Variants in KPNA3 observed in about 807,000 individuals in gnomAD.
KPNA3 encodes the protein karyopherin subunit alpha 3.
Under a neutral mutation model 73.8 loss-of-function variants are expected in KPNA3, and 13 were observed. That is an observed-to-expected ratio of 0.18 (90% confidence interval 0.11 to 0.28). KPNA3 has a LOEUF of 0.28. Ranked by LOEUF, KPNA3 falls within the 10% of genes least tolerant of loss-of-function variation. KPNA3 has a pLI of 1.00. For synonymous variants in KPNA3, 186 were observed against 206.9 expected (o/e 0.90, Z 0.87); for missense variants, 360 against 618.1 (o/e 0.58, Z 4.43).
At chr13:49,781,031 G>T (rs2137603677) in intron 1 of KPNA3, among the ~76,000 whole-genome samples, 1 of 152,154 alleles carries the variant, frequency 6.6e-6, no homozygotes, top group Non-Finnish European at 1.5e-5. Context: ...CAGAAATACT[G>T]TTACTTTAGT....
intron 1 of KPNA3, among the ~76,000 whole-genome samples, chr13:49,774,281 G>C (rs563588874): frequency 2.7e-4 from 41 of 152,150 alleles, no homozygotes; most frequent in Admixed American, 5.2e-4. Context: ...TCTTTAAAAA[G>C]AGAAAAAGAT....
rs1253892399 is a variant in KPNA3, at chr13:49,700,044, TATAA to T, written c.*1752_*1755del. 2.6e-5 allele frequency: 4 copies of T among 152,632 alleles called. No homozygotes were observed. Among genetic ancestry groups the T allele is most frequent in the Admixed American group, 2.0e-4 (3 of 15,276 alleles). 9.5% of individuals were successfully genotyped at this position (152,632 alleles called of 1,614,324 possible). ...AATTGATTCTAAAATTTATAAAACC[TATAA>T]ATAATCAGAGGCCAAACCACTATAT... On this transcript the variant is annotated 3_prime_UTR_variant, in exon 17 of 17. Transcript: ENST00000261667.
intron 15 of KPNA3, among the ~76,000 whole-genome samples, chr13:49,704,644 A>C (rs1010266998): frequency 1.3e-5 from 2 of 152,128 alleles, no homozygotes; most frequent in Non-Finnish European, 2.9e-5. Flanking sequence ...TAAGGTTTAA[A>C]CATGTTAGTA....
intron 1 of KPNA3, among the ~76,000 whole-genome samples, chr13:49,765,747 T>C (rs1954803098): frequency 6.6e-6 from 1 of 152,212 alleles, no homozygotes; most frequent in Non-Finnish European, 1.5e-5. Flanking sequence ...TTTGTCTCTA[T>C]AGATTTGAAA....
At position 49,732,087 on chromosome 13, in the gene KPNA3, A is replaced by C. The variant is rs996576350; in HGVS notation, c.383+284T>G. On this transcript the variant is annotated intron_variant, in intron 6 of 16. Transcript: ENST00000261667. The stretch of plus-strand genomic sequence containing the variant: ...ATTTGGGTTGTTTTAAAATATTAGT[A>C]ATAAAAAATCCTAATAAAGACTATA... 2.6e-5 allele frequency among the ~76,000 whole-genome samples: 4 copies of C among 152,306 alleles called. No homozygotes were observed. In the South Asian group the frequency reaches 8.3e-4, roughly 32 times the overall value.
At chr13:49,775,910 T>C (rs1317529980) in intron 1 of KPNA3, among the ~76,000 whole-genome samples, 1 of 152,196 alleles carries the variant, frequency 6.6e-6, no homozygotes, top group Non-Finnish European at 1.5e-5. Flanking sequence ...TTTCTCCCTC[T>C]GTATTCCGAA....
In KPNA3 at chr13:49,722,340, T is replaced by C. The variant is rs531359036; in HGVS notation, c.556+137A>G. ...TGTATATCCTTTTCAAAGAGCATCA[T>C]CTTAAGTCAGTACTTATGAGGCAAG... On this transcript the variant is annotated intron_variant, in intron 8 of 16. Transcript: ENST00000261667. The C allele has an allele frequency of 1.3e-5, 9 of 678,208 alleles. No homozygotes were observed. In the East Asian group the frequency reaches 1.4e-4, roughly 10 times the overall value. The allele number at this position is 678,208 out of a possible 1,614,324, so 42.0% of individuals were successfully genotyped here. A position where few individuals can be genotyped will look rare whatever the true frequency, so the allele number is the denominator to read the frequency against.
intron 1 of KPNA3, among the ~76,000 whole-genome samples, chr13:49,758,169 A>G (rs1954727547): frequency 6.6e-6 from 1 of 152,204 alleles, no homozygotes; most frequent in Non-Finnish European, 1.5e-5. Flanking sequence ...CCAAAAGTAT[A>G]CTAAAACAAA....
chr13:49,713,674 C>CAAAAA (rs202174090), intron 10 of KPNA3, among the ~76,000 whole-genome samples: 1 of 142,006 alleles, frequency 7.0e-6, no homozygotes, highest in East Asian at 2.0e-4. Context: ...CACACACACA[C>CAAAAA]AAAACAGAAA....
intron 11 of KPNA3, among the ~76,000 whole-genome samples, chr13:49,710,025 G>A (rs1258864243): frequency 7.2e-5 from 11 of 152,198 alleles, no homozygotes; most frequent in Non-Finnish European, 1.3e-4. Context: ...ATTTTGGGAG[G>A]CCGAGGCGGG....
At chr13:49,792,194 C>T (rs975766251) in intron 1 of KPNA3, among the ~76,000 whole-genome samples, 3 of 151,918 alleles carry the variant, frequency 2.0e-5, no homozygotes, top group Admixed American at 6.6e-5. Flanking sequence ...GCCGCGCCCG[C>T]GTGACGGGGC....
rs559618978 is a variant in KPNA3 at position 49,742,023 on chromosome 13, C to T, written c.114+4926G>A. Among the ~76,000 whole-genome samples, 3 of 152,238 alleles carry T rather than the reference C, an allele frequency of 2.0e-5. No homozygotes were observed. The South Asian group carries it at 6.2e-4, about 32-fold the overall frequency. ...TTTTCTTCCAGTAGTTTTACAGTTT[C>T]ACATCTTATGTTTGCATTTTAATCT... On this transcript the variant is annotated intron_variant, in intron 2 of 16. Coordinates refer to ENST00000261667, the MANE Select transcript of KPNA3 (RefSeq NM_002267.4).
chr13:49,711,063 T>G, intron 10 of KPNA3, 41 bp from the exon 11 acceptor site: 1 of 1,569,494 alleles, frequency 6.4e-7, no homozygotes, highest in Non-Finnish European at 8.6e-7. Flanking sequence ...ACATATTTGT[T>G]TGAATGCTTT....
intron 15 of KPNA3, among the ~76,000 whole-genome samples, chr13:49,704,427 TAAATAAAA>T (rs1566330762): frequency 1.2e-5 from 1 of 84,664 alleles, no homozygotes; most frequent in Non-Finnish European, 2.4e-5. Context: ...AAAAAATAAA[TAAATAAAA>T]AATAAATAAA....
intron 6 of KPNA3, among the ~76,000 whole-genome samples, chr13:49,727,970 T>C (rs1954426417): frequency 6.6e-6 from 1 of 152,098 alleles, no homozygotes; most frequent in Admixed American, 6.5e-5. Flanking sequence ...GCATGGTGGC[T>C]CACGCCTGTA....
At chr13:49,756,198 C>T (rs114985554) in intron 1 of KPNA3, among the ~76,000 whole-genome samples, 3 of 152,270 alleles carry the variant, frequency 2.0e-5, no homozygotes, top group African/African-American at 4.8e-5. Flanking sequence ...CTCTTGAGCT[C>T]GGGAGACGGA....
chr13:49,788,737 TTA>T (rs553666968), intron 1 of KPNA3, among the ~76,000 whole-genome samples: 7,404 of 76,070 alleles, frequency 0.097, 165 homozygotes, highest in Non-Finnish European at 0.14. Flanking sequence ...TTTTTTTTTT[TTA>T]AAAAAAAAAA....
intron 1 of KPNA3, among the ~76,000 whole-genome samples, chr13:49,754,520 A>G (rs940262599): frequency 2.0e-5 from 3 of 151,940 alleles, no homozygotes; most frequent in African/African-American, 7.3e-5. Flanking sequence ...ACCCTACAAC[A>G]TAAAAAGCAA....
intron 12 of KPNA3, among the ~76,000 whole-genome samples, chr13:49,709,087 C>G (rs1954234624): frequency 6.6e-6 from 1 of 152,048 alleles, no homozygotes; most frequent in Non-Finnish European, 1.5e-5. Context: ...ATGACCAGGG[C>G]AGCACCTACC....
Sources: gnomAD v4.1 joint callset for allele counts (sites outside exome capture counted in the v4.1 genomes callset) on GRCh38, gnomAD v4.1.1 for gene constraint, MANE v1.5 for transcripts, NCBI Gene and HGNC (gene_info 2026-07-23, HGNC 2026-07-21) for gene names.